The following SOHLH2 variants were observed in gnomAD, a reference collection of about 807,000 sequenced individuals.
SOHLH2 encodes the protein spermatogenesis- and oogenesis-specific basic helix-loop-helix-containing protein 2.
SOHLH2 carries 22 observed loss-of-function variants against 50.4 expected under a neutral mutation model. That is an observed-to-expected ratio of 0.44 (90% CI 0.31 to 0.62). The LOEUF (loss-of-function observed/expected upper bound fraction) is 0.62, where lower values mean the gene tolerates loss of function less well. SOHLH2 is among the 20% of genes least tolerant of loss of function. SOHLH2 has a pLI of 0.08. For missense variants in SOHLH2, 412 were observed against 504.4 expected (o/e 0.82, Z 1.76); for synonymous variants, 185 against 187.3 (o/e 0.99, Z 0.10).
chr13:36,186,398 C>T (rs1031413682), intron 6 of SOHLH2, among the ~76,000 whole-genome samples: 3 of 151,998 alleles, frequency 2.0e-5, no homozygotes, highest in Non-Finnish European at 4.4e-5. Context: ...CTACTTGGGG[C>T]TCTCCTCTGT....
intron 6 of SOHLH2, among the ~76,000 whole-genome samples, chr13:36,184,347 GA>G (rs1887342075): frequency 6.6e-6 from 1 of 151,850 alleles, no homozygotes; most frequent in Admixed American, 6.6e-5. Context: ...AGATGCAGCT[GA>G]AGCAATGCTT....
intron 2 of SOHLH2, among the ~76,000 whole-genome samples, chr13:36,199,331 A>G (rs1887828763): frequency 6.6e-6 from 1 of 151,666 alleles, no homozygotes. Flanking sequence ...ACACACACAC[A>G]TAACCAAACG....
intron 6 of SOHLH2, among the ~76,000 whole-genome samples, chr13:36,175,772 T>C (rs1887082077): frequency 6.6e-6 from 1 of 152,058 alleles, no homozygotes; most frequent in Non-Finnish European, 1.5e-5. Flanking sequence ...TCTACATCAG[T>C]GGTGTTCTCA....
Position 36,168,902 on chromosome 13 carries a change from C to G in SOHLH2, c.*132G>C. ...AAGCTTTGAGTGCATTTATCAGAAGCCAAACCATGCCAACTCTTTTGATAT... is the reference window on the plus strand; with the variant it reads ...AAGCTTTGAGTGCATTTATCAGAAGGCAAACCATGCCAACTCTTTTGATAT... On this transcript the variant is annotated 3_prime_UTR_variant, in exon 11 of 11. Coordinates refer to ENST00000379881, the MANE Select transcript of SOHLH2 (RefSeq NM_017826.3). 1 of 1,430,964 alleles carries G rather than the reference C, an allele frequency of 7.0e-7. No individual in the cohort carries two copies. The highest frequency in any genetic ancestry group is 1.6e-5 in the South Asian group (1 of 62,084). 88.6% of individuals were successfully genotyped at this position (1,430,964 alleles called of 1,614,324 possible).
At chr13:36,193,945 G>C in intron 2 of SOHLH2, 78 bp from the exon 3 acceptor site, 1 of 1,320,108 alleles carries the variant, frequency 7.6e-7, no homozygotes, top group Non-Finnish European at 1.0e-6. Context: ...TAGCTTATTA[G>C]GAACTAACTA....
intron 6 of SOHLH2, among the ~76,000 whole-genome samples, chr13:36,184,528 C>A: frequency 7.1e-6 from 1 of 141,426 alleles, no homozygotes; most frequent in East Asian, 2.1e-4. Flanking sequence ...GGCGCTATCT[C>A]GGCTCACTGC....
chr13:36,181,971 G>A (rs1887268852), intron 6 of SOHLH2: 1 of 860,320 alleles, frequency 1.2e-6, no homozygotes. Context: ...AACAAGTGAA[G>A]AGTCTAAGAC....
intron 1 of SOHLH2, among the ~76,000 whole-genome samples, chr13:36,210,346 C>T (rs13378461): frequency 0.081 from 12,260 of 152,182 alleles, 666 homozygotes; most frequent in Middle Eastern, 0.14. Context: ...CACTGCATTT[C>T]TTCTCTTTGT....
At chr13:36,185,467 AAAAC>A (rs1566039166) in intron 6 of SOHLH2, among the ~76,000 whole-genome samples, 1 of 152,148 alleles carries the variant, frequency 6.6e-6, no homozygotes, top group African/African-American at 2.4e-5. Flanking sequence ...ACTCTGTCTC[AAAAC>A]AAACAAACAC....
intron 1 of SOHLH2, among the ~76,000 whole-genome samples, chr13:36,204,788 G>A (rs918955664): frequency 6.6e-6 from 1 of 152,090 alleles, no homozygotes; most frequent in Non-Finnish European, 1.5e-5. Flanking sequence ...AACAGAAATC[G>A]GCATCAGTTT....
chr13:36,202,609 C>T (rs1566045564), intron 1 of SOHLH2, among the ~76,000 whole-genome samples: 2 of 152,066 alleles, frequency 1.3e-5, no homozygotes, highest in Non-Finnish European at 2.9e-5. Context: ...TATTAGGAAC[C>T]AAAAAGGCCA....
intron 1 of SOHLH2, among the ~76,000 whole-genome samples, chr13:36,208,226 A>G (rs1253558603): frequency 6.6e-6 from 1 of 152,168 alleles, no homozygotes; most frequent in Non-Finnish European, 1.5e-5. Context: ...GCCTGTAGCA[A>G]TTATTACTAT....
chr13:36,201,648 T>C (rs1868423818), intron 2 of SOHLH2, among the ~76,000 whole-genome samples: 1 of 152,200 alleles, frequency 6.6e-6, no homozygotes, highest in African/African-American at 2.4e-5. Flanking sequence ...TTAAAATTTT[T>C]TGTAGAGACA....
At position 36,209,095 on chromosome 13, in the gene SOHLH2, A is replaced by G. The variant is rs565158397; in HGVS notation, c.48+5384T>C. Among the ~76,000 whole-genome samples, 20 of 152,084 alleles carry G rather than the reference A, an allele frequency of 1.3e-4. No individual in the cohort carries two copies. The East Asian group carries it at 2.3e-3, about 18-fold the overall frequency. ...CTTTGTCTCTCCTTGTAAATCTTCT[A>G]AGAGATGCTGGATGTCTTAAATTGA... On this transcript the variant is annotated intron_variant, in intron 1 of 10. Coordinates refer to ENST00000379881, the MANE Select transcript of SOHLH2 (RefSeq NM_017826.3).
chr13:36,208,853 T>C (rs774495770), intron 1 of SOHLH2, among the ~76,000 whole-genome samples: 71 of 152,216 alleles, frequency 4.7e-4, no homozygotes, highest in Non-Finnish European at 8.7e-4. Flanking sequence ...ACTTATAAGG[T>C]CAAAATCACT....
intron 2 of SOHLH2, among the ~76,000 whole-genome samples, chr13:36,194,306 A>G (rs1253173136): frequency 6.6e-6 from 1 of 152,168 alleles, no homozygotes; most frequent in Non-Finnish European, 1.5e-5. Context: ...AAAAAATCAT[A>G]AGGATAAGCA....
chr13:36,206,469 T>G (rs1215445685), intron 1 of SOHLH2, among the ~76,000 whole-genome samples: 1 of 152,076 alleles, frequency 6.6e-6, no homozygotes, highest in East Asian at 1.9e-4. Flanking sequence ...TTCAAGGCAA[T>G]AGTATGTTTG....
Position 36,191,863 on chromosome 13 carries a change from T to G in SOHLH2, c.462A>C (p.Glu154Asp), listed in dbSNP as rs777661960. ...VKTENATGPEELGLPLQRSYS... is the reference protein window; with the variant it reads ...VKTENATGPEDLGLPLQRSYS... ...AGGACCTCTGCAGGGGCAATCCAAG[T>G]TCTTCAGGCCCAGTTGCGTTTTCAG... Residue 154 changes from glutamate (E) to aspartate (D), a missense_variant, in exon 5 of 11, where the codon GAA becomes GAC. Transcript: ENST00000379881. The G allele has an allele frequency of 1.2e-6, 2 of 1,614,022 alleles. No homozygotes were observed. The highest frequency in any genetic ancestry group is 1.7e-6 in the Non-Finnish European group (2 of 1,179,900).
chr13:36,191,362 G>T (rs534355313), intron 5 of SOHLH2, among the ~76,000 whole-genome samples: 32 of 152,308 alleles, frequency 2.1e-4, no homozygotes, highest in African/African-American at 7.2e-4. Flanking sequence ...TGGGTGGATA[G>T]GTTCATGAGT....
Sources: allele counts gnomAD v4.1 joint callset (sites outside exome capture counted in the v4.1 genomes callset), GRCh38; gene constraint gnomAD v4.1.1; transcripts MANE v1.5; gene names NCBI Gene and HGNC (gene_info 2026-07-23, HGNC 2026-07-21).